CDYL2: variants seen among roughly 807,000 people sequenced by gnomAD.
CDYL2 encodes chromodomain Y-like protein 2.
CDYL2 carries 23 observed loss-of-function variants against 49.4 expected under a neutral mutation model. That is an observed-to-expected ratio of 0.47 (90% CI 0.34 to 0.66). The LOEUF is 0.66. CDYL2 is among the 30% of genes least tolerant of loss of function. The pLI is 0.01. For synonymous variants in CDYL2, 360 were observed against 268.8 expected (o/e 1.34, Z -3.32); for missense variants, 678 against 656.4 (o/e 1.03, Z -0.36).
intron 1 of CDYL2, among the ~76,000 whole-genome samples, chr16:80,735,629 A>G (rs1905494273): frequency 6.6e-6 from 1 of 152,196 alleles, no homozygotes; most frequent in African/African-American, 2.4e-5. Context: ...AATGGCCCCC[A>G]GGCTCCAACT....
chr16:80,675,732 G>A (rs970512992), intron 2 of CDYL2, among the ~76,000 whole-genome samples: 3 of 151,128 alleles, frequency 2.0e-5, no homozygotes, highest in Non-Finnish European at 4.4e-5. Context: ...TAAGGAGAGC[G>A]GCTTTTCACC....
intron 1 of CDYL2, among the ~76,000 whole-genome samples, chr16:80,796,311 G>A (rs2142421206): frequency 6.6e-6 from 1 of 152,300 alleles, no homozygotes; most frequent in Admixed American, 6.5e-5. Context: ...AACTGATTAT[G>A]AACTGTAATC....
At chr16:80,799,216 A>G (rs1907853965) in intron 1 of CDYL2, among the ~76,000 whole-genome samples, 1 of 152,222 alleles carries the variant, frequency 6.6e-6, no homozygotes, top group Admixed American at 6.5e-5. Context: ...TTGAACATCA[A>G]TTACATGCTA....
At chr16:80,672,379 C>A (rs77681077) in intron 2 of CDYL2, among the ~76,000 whole-genome samples, 2 of 144,832 alleles carry the variant, frequency 1.4e-5, no homozygotes, top group African/African-American at 5.0e-5. Flanking sequence ...ATGAGTAGAA[C>A]AGGCTTTCCC....
intron 2 of CDYL2, among the ~76,000 whole-genome samples, chr16:80,649,690 G>A (rs1908502960): frequency 6.6e-6 from 1 of 152,092 alleles, no homozygotes; most frequent in African/African-American, 2.4e-5. Flanking sequence ...AAAATTGCAG[G>A]AATCACATTA....
At chr16:80,639,561 G>C (rs1247666328) in intron 2 of CDYL2, 1 of 394,748 alleles carries the variant, frequency 2.5e-6, no homozygotes, top group Non-Finnish European at 4.9e-6. Flanking sequence ...TGGCACAATA[G>C]AAGGCTCCAT....
chr16:80,653,559 T>A (rs1908677664), intron 2 of CDYL2, among the ~76,000 whole-genome samples: 1 of 152,210 alleles, frequency 6.6e-6, no homozygotes, highest in South Asian at 2.1e-4. Context: ...TTTATTGTTT[T>A]AACTTTTGTG....
chr16:80,646,657 C>T (rs1334203346), intron 2 of CDYL2, among the ~76,000 whole-genome samples: 2 of 152,000 alleles, frequency 1.3e-5, no homozygotes, highest in Non-Finnish European at 2.9e-5. Flanking sequence ...GGCAGAGTGG[C>T]GTGTGCCTGT....
In CDYL2 at chr16:80,603,919, A is replaced by C. The variant is rs1026957476; in HGVS notation, c.*469T>G. The C allele has an allele frequency of 1.2e-5, 2 of 161,690 alleles. No homozygotes were observed. Among genetic ancestry groups the C allele is most frequent in the African/African-American group, 4.8e-5 (2 of 41,694 alleles). 10.0% of individuals were successfully genotyped at this position (161,690 alleles called of 1,614,324 possible). ...AGACTGAGGCCAGGTGTGCACAATC[A>C]TTTTGCTCATTGGTCTGGAAATTCC... On this transcript the variant is annotated 3_prime_UTR_variant, in exon 7 of 7. Coordinates refer to ENST00000570137, the MANE Select transcript of CDYL2 (RefSeq NM_152342.4).
At chr16:80,645,215 G>A (rs1330424613) in intron 2 of CDYL2, among the ~76,000 whole-genome samples, 1 of 152,118 alleles carries the variant, frequency 6.6e-6, no homozygotes, top group African/African-American at 2.4e-5. Context: ...CTACAGAATG[G>A]GAGAACATTT....
At chr16:80,713,007 G>C (rs1904672659) in intron 1 of CDYL2, among the ~76,000 whole-genome samples, 1 of 152,170 alleles carries the variant, frequency 6.6e-6, no homozygotes, top group Non-Finnish European at 1.5e-5. Context: ...TCCAGGTCCA[G>C]GTTGTGGCTT....
At chr16:80,782,937 T>C (rs931867600) in intron 1 of CDYL2, among the ~76,000 whole-genome samples, 1 of 152,146 alleles carries the variant, frequency 6.6e-6, no homozygotes, top group African/African-American at 2.4e-5. Flanking sequence ...AAATCAGGAA[T>C]AAGACAATGA....
intron 2 of CDYL2, among the ~76,000 whole-genome samples, chr16:80,672,472 AAAAG>A (rs990151823): frequency 7.3e-5 from 11 of 150,770 alleles, no homozygotes; most frequent in Middle Eastern, 3.2e-3. Flanking sequence ...AATGCCCAGG[AAAAG>A]AAAGAAAGGA....
At chr16:80,798,463 G>A (rs1597138832) in intron 1 of CDYL2, among the ~76,000 whole-genome samples, 1 of 152,130 alleles carries the variant, frequency 6.6e-6, no homozygotes, top group Non-Finnish European at 1.5e-5. Context: ...CATGAAGATG[G>A]AAGACTTTTA....
At chr16:80,664,477 C>G (rs929670401) in intron 2 of CDYL2, among the ~76,000 whole-genome samples, 6 of 152,204 alleles carry the variant, frequency 3.9e-5, no homozygotes, top group African/African-American at 1.2e-4. Flanking sequence ...TGGGGACCAG[C>G]TGATCCCTTA....
intron 1 of CDYL2, among the ~76,000 whole-genome samples, chr16:80,692,874 C>T (rs915767045): frequency 2.0e-5 from 3 of 152,070 alleles, no homozygotes; most frequent in African/African-American, 4.8e-5. Flanking sequence ...TAAAATGACA[C>T]GATCAATGAT....
In CDYL2 at chr16:80,633,217, C is replaced by T. The variant is rs151110430; in HGVS notation, c.636G>A (p.Gly212=). 6.2e-7 allele frequency: 1 copy of T among 1,614,152 alleles called. No individual in the cohort carries two copies. Among genetic ancestry groups the T allele is most frequent in the Admixed American group, 1.7e-5 (1 of 60,018 alleles). The change falls in exon 3 of 7, where the codon GGG becomes GGA. Residue 212 remains glycine, a synonymous_variant. Transcript: ENST00000570137. ...TCACTGGACTGTGCAGGTTCAATCC[C>T]CCGTTGGTCAGAGCAGAGCCTTCCA... ...ENGLGSALTN[G]GLNLHSPVKR...
At chr16:80,758,589 C>T (rs1906396859) in intron 1 of CDYL2, among the ~76,000 whole-genome samples, 1 of 137,526 alleles carries the variant, frequency 7.3e-6, no homozygotes, top group Non-Finnish European at 1.5e-5. Flanking sequence ...GTCGCTCAGG[C>T]TGGAGGGCAG....
chr16:80,643,909 G>A (rs536347027), intron 2 of CDYL2, among the ~76,000 whole-genome samples: 1 of 152,196 alleles, frequency 6.6e-6, no homozygotes, highest in African/African-American at 2.4e-5. Context: ...ACTGTCTTGG[G>A]GATTAACATT....
Sources: allele counts gnomAD v4.1 joint callset (sites outside exome capture counted in the v4.1 genomes callset), GRCh38; gene constraint gnomAD v4.1.1; transcripts MANE v1.5; gene names NCBI Gene and HGNC (gene_info 2026-07-23, HGNC 2026-07-21).